The following NCBP3 variants were observed in gnomAD, a reference collection of about 807,000 sequenced individuals.
NCBP3 encodes nuclear cap-binding protein subunit 3.
NCBP3 carries 20 observed loss-of-function variants against 75.7 expected under a neutral mutation model. That is an observed-to-expected ratio of 0.26 (90% CI 0.19 to 0.38). The LOEUF is 0.38. NCBP3 is among the 10% of genes least tolerant of loss of function. The pLI, the probability that NCBP3 is intolerant of heterozygous loss-of-function variation, is 1.00. For missense variants in NCBP3, 678 were observed against 796.9 expected, an observed-to-expected ratio of 0.85 and a Z score of 1.80; for synonymous variants, 293 against 290.5, an observed-to-expected ratio of 1.01 and a Z score of -0.09.
chr17:3,832,610 G>A (rs11651151), intron 3 of NCBP3, among the ~76,000 whole-genome samples: 43 of 149,060 alleles, frequency 2.9e-4, no homozygotes, highest in Non-Finnish European at 5.2e-4. Flanking sequence ...CAGCCTGGGT[G>A]ACAGAGCGAG....
At chr17:3,826,298 C>T in intron 4 of NCBP3, 83 bp from the exon 5 acceptor site, 1 of 1,291,088 alleles carries the variant, frequency 7.7e-7, no homozygotes, top group South Asian at 1.5e-5. Flanking sequence ...GCATTCATCA[C>T]TACAGCCTCA....
chr17:3,837,873 G>A (rs2054002069), intron 3 of NCBP3, among the ~76,000 whole-genome samples: 1 of 151,974 alleles, frequency 6.6e-6, no homozygotes, highest in East Asian at 1.9e-4. Flanking sequence ...CTGCCTCCTG[G>A]ACAAAGAATC....
At position 3,832,398 on chromosome 17, in the gene NCBP3, C is replaced by T. The variant is rs1197132600; in HGVS notation, c.356-3030G>A. Among the ~76,000 whole-genome samples, 36 of 119,340 alleles carry T rather than the reference C, an allele frequency of 3.0e-4. 1 individual carries two copies. The highest frequency in any genetic ancestry group is 9.8e-3 in the Middle Eastern group (2 of 204). The allele number at this position is 119,340 out of a possible 152,430, so 78.3% of individuals were successfully genotyped here. A position where few individuals can be genotyped will look rare whatever the true frequency, so the allele number is the denominator to read the frequency against. The stretch of plus-strand genomic sequence containing the variant: ...CCTGTAATCCCAGCACTTTGGGAGG[C>T]CGGGGCGGGCAGATCACAAGGTCAG... On this transcript the variant is annotated intron_variant, in intron 3 of 12. Transcript: ENST00000389005.
chr17:3,830,840 C>A (rs1056772482), intron 3 of NCBP3, among the ~76,000 whole-genome samples: 1 of 152,064 alleles, frequency 6.6e-6, no homozygotes, highest in Non-Finnish European at 1.5e-5. Context: ...GCCTTGGCCT[C>A]CTAAAGTGCT....
intron 1 of NCBP3, among the ~76,000 whole-genome samples, chr17:3,845,470 T>C (rs1259632433): frequency 1.3e-5 from 2 of 152,142 alleles, no homozygotes; most frequent in African/African-American, 4.8e-5. Flanking sequence ...AAGAGTCAGA[T>C]GCTGGGGCCA....
At position 3,804,993 on chromosome 17, in the gene NCBP3, G is replaced by A. The variant is rs1275919878; in HGVS notation, c.*8051C>T. ...TTTTTATTTTTGTTTTTGAGATGGA[G>A]TCTTGCTCTTTCATCCAGACTGGAG... On this transcript the variant is annotated 3_prime_UTR_variant, in exon 13 of 13. Transcript: ENST00000389005. 2.0e-5 allele frequency: 3 copies of A among 152,232 alleles called. No individual in the cohort carries two copies. Among genetic ancestry groups the A allele is most frequent in the Non-Finnish European group, 2.9e-5 (2 of 68,094 alleles). 9.4% of individuals were successfully genotyped at this position (152,232 alleles called of 1,614,324 possible).
In NCBP3 at chr17:3,802,878, A is replaced by T. The variant is rs117324265; in HGVS notation, c.*10166T>A. On this transcript the variant is annotated 3_prime_UTR_variant, in exon 13 of 13. Transcript: ENST00000389005. ...CTCGGGAAGCCAGGGAAAGCTGATG[A>T]CTGGGTGCTGGACAGGGAGCAGGGC... 0.018 allele frequency: 2,796 copies of T among 152,556 alleles called. 42 individuals are homozygous for T. The highest frequency in any genetic ancestry group is 0.03 in the Non-Finnish European group (2,052 of 68,240). 9.5% of individuals were successfully genotyped at this position (152,556 alleles called of 1,614,324 possible). A position where few individuals can be genotyped will look rare whatever the true frequency, so the allele number is the denominator to read the frequency against.
rs772440375 is a variant in NCBP3 at position 3,818,334 on chromosome 17, C to A, written c.1239G>T (p.Thr413=). The A allele has an allele frequency of 6.2e-7, 1 of 1,613,996 alleles. No individual in the cohort carries two copies. The highest frequency in any genetic ancestry group is 1.3e-5 in the African/African-American group (1 of 75,018). ...TTTTCATGCTTTTCTTTGGTGAAGGCGTGGAAATCATTTTCAGTTCTAGAT... is the reference window on the plus strand; with the variant it reads ...TTTTCATGCTTTTCTTTGGTGAAGGAGTGGAAATCATTTTCAGTTCTAGAT... ...DYDLELKMIS[T]PSPKKSMKMT... Residue 413 remains threonine (T), a synonymous_variant, in exon 10 of 13, where the codon ACG becomes ACT. Transcript: ENST00000389005. This position sits in a 1 kb window ranked among gnomAD's most constrained non-coding sequence, Gnocchi z 4.7.
At chr17:3,832,453 AC>A (rs1364462376) in intron 3 of NCBP3, among the ~76,000 whole-genome samples, 2 of 117,306 alleles carry the variant, frequency 1.7e-5, no homozygotes, top group South Asian at 3.1e-4. Context: ...ACACGGTGAA[AC>A]CCCGTCTCTA....
chr17:3,842,562 T>A (rs534420491), intron 2 of NCBP3, among the ~76,000 whole-genome samples: 9 of 152,332 alleles, frequency 5.9e-5, no homozygotes, highest in African/African-American at 2.2e-4. Flanking sequence ...TGGAAACGGT[T>A]CAACACAGGT....
chr17:3,839,104 A>C (rs2054022567), intron 3 of NCBP3, among the ~76,000 whole-genome samples: 1 of 152,224 alleles, frequency 6.6e-6, no homozygotes, highest in East Asian at 1.9e-4. Context: ...ACTCACTAAA[A>C]AAGTAGTAAT....
rs2053494825 is a variant in NCBP3, at chr17:3,814,633, T to G, written c.1466-150A>C. The G allele has an allele frequency of 6.1e-6, 5 of 814,346 alleles. 1 individual carries two copies. In the Admixed American group the frequency reaches 1.2e-4, roughly 19 times the overall value. 50.4% of individuals were successfully genotyped at this position (814,346 alleles called of 1,614,324 possible). A position where few individuals can be genotyped will look rare whatever the true frequency, so the allele number is the denominator to read the frequency against. On this transcript the variant is annotated intron_variant, in intron 11 of 12. Coordinates refer to ENST00000389005, the MANE Select transcript of NCBP3 (RefSeq NM_001114118.3). ...GCTGCTAAGTATTCTTCCTTTGTAA[T>G]CAGTCTGGATTTCCTTAGGAAAATT...
chr17:3,828,743 T>C (rs971091200), intron 4 of NCBP3, among the ~76,000 whole-genome samples: 3 of 151,908 alleles, frequency 2.0e-5, no homozygotes, highest in South Asian at 2.1e-4. Context: ...AAATGAGAAG[T>C]CTAGTAGAGT....
intron 7 of NCBP3, chr17:3,824,355 T>A (rs549422939): frequency 6.7e-6 from 1 of 149,632 alleles, no homozygotes; most frequent in Admixed American, 6.7e-5. Context: ...CACACACACA[T>A]ACACACACAC....
At chr17:3,829,629 T>C (rs1486548323) in intron 3 of NCBP3, among the ~76,000 whole-genome samples, 1 of 152,224 alleles carries the variant, frequency 6.6e-6, no homozygotes, top group Non-Finnish European at 1.5e-5. Context: ...AAATACACGA[T>C]ACCTCTCCCC....
intron 10 of NCBP3, among the ~76,000 whole-genome samples, chr17:3,816,852 T>C (rs944940739): frequency 6.6e-6 from 1 of 151,920 alleles, no homozygotes; most frequent in African/African-American, 2.4e-5. Flanking sequence ...GCTAACATGG[T>C]GAAACCCAGT....
In NCBP3 at chr17:3,814,365, C is replaced by A; in HGVS notation, c.1584G>T (p.Gln528His). The A allele has an allele frequency of 1.2e-6, 2 of 1,614,208 alleles. No homozygotes were observed. The highest frequency in any genetic ancestry group is 1.7e-6 in the Non-Finnish European group (2 of 1,180,026). ...DVHSRLGVPR[Q>H]DSKGLYADTR... ...TATCGGCGTAGAGGCCTTTACTATC[C>A]TGCCTGGGAACACCTAGCCTACTAT... Residue 528 changes from glutamine (Q) to histidine (H), a missense_variant, in exon 12 of 13, where the codon CAG becomes CAT. Around this residue, in one of 7 missense-constraint regions of NCBP3, gnomAD observed 365 missense variants for 392.7 expected, o/e 0.93. Coordinates refer to ENST00000389005, the MANE Select transcript of NCBP3 (RefSeq NM_001114118.3).
In NCBP3 at chr17:3,814,415, G is replaced by C. The variant is rs760341775; in HGVS notation, c.1534C>G (p.Arg512Gly). The change falls in exon 12 of 13, where the codon CGG becomes GGG. Residue 512 changes from arginine (R) to glycine (G), a missense_variant. This residue lies in a region of NCBP3 where 365 missense variants were observed against 392.7 expected (regional missense o/e 0.93). Transcript: ENST00000389005. Reference sequence around the variant, plus strand: ...TGCACATCAGAAGAGGGCTCTCTCCGAACGACGGGGTTACTACTAAAAGCC... The same window carrying C: ...TGCACATCAGAAGAGGGCTCTCTCCCAACGACGGGGTTACTACTAAAAGCC... The part of the protein sequence containing the change: ...EKAFSSNPVV[R>G]REPSSDVHSR... The C allele has an allele frequency of 1.9e-6, 3 of 1,614,170 alleles. No homozygotes were observed. The highest frequency in any genetic ancestry group is 1.1e-5 in the South Asian group (1 of 91,080).
chr17:3,814,040 T>A (rs2053477667), intron 12 of NCBP3, among the ~76,000 whole-genome samples: 1 of 152,176 alleles, frequency 6.6e-6, no homozygotes, highest in Non-Finnish European at 1.5e-5. Context: ...AACTAGGATT[T>A]GTATGTGGGC....
Sources: allele counts gnomAD v4.1 joint callset (sites outside exome capture counted in the v4.1 genomes callset), GRCh38; gene constraint gnomAD v4.1.1; regional missense constraint gnomAD v4.1.1; non-coding constraint Gnocchi (gnomAD v3.1); transcripts MANE v1.5; gene names NCBI Gene and HGNC (gene_info 2026-07-23, HGNC 2026-07-21).